ZDHHC11: variants seen among roughly 807,000 people sequenced by gnomAD.
ZDHHC11 encodes the protein zDHHC palmitoyltransferase 11.
In ZDHHC11, 44 loss-of-function variants were observed where a neutral mutation model predicts 51.3. The ratio of observed to expected loss-of-function variants is 0.86; its 90% CI spans 0.67 to 1.10. The LOEUF is 1.10. Ranked by LOEUF, ZDHHC11 falls within the 50% of genes least tolerant of loss-of-function variation. The pLI, the probability that ZDHHC11 is intolerant of heterozygous loss-of-function variation, is 0.00. For synonymous variants in ZDHHC11, 163 were observed against 222.0 expected (o/e 0.73, Z 2.36); for missense variants, 400 against 537.7 (o/e 0.74, Z 2.53).
Position 819,626 on chromosome 5 carries a change from C to T in ZDHHC11, c.1059-14G>A, listed in dbSNP as rs1438840166. 2 of 1,607,870 alleles carry T rather than the reference C, an allele frequency of 1.2e-6. No homozygotes were observed. The highest frequency in any genetic ancestry group is 2.7e-5 in the African/African-American group (2 of 74,698). Reference sequence around the variant, plus strand: ...CTGGCCTTGGCTCTGGTGGGGCAAACAGAAGGAAAGAAACACACCACAGTT... The same window carrying T: ...CTGGCCTTGGCTCTGGTGGGGCAAATAGAAGGAAAGAAACACACCACAGTT... On this transcript the variant is annotated splice_polypyrimidine_tract_variant and intron_variant, in intron 9 of 12. Coordinates refer to ENST00000283441, the MANE Select transcript of ZDHHC11 (RefSeq NM_024786.3).
At chr5:834,339 T>G (rs572102666) in intron 6 of ZDHHC11, among the ~76,000 whole-genome samples, 1 of 152,286 alleles carries the variant, frequency 6.6e-6, no homozygotes, top group Admixed American at 6.5e-5. Context: ...TTGCCCATTT[T>G]TTATATGTAT....
chr5:824,937 A>C (rs530068971), intron 8 of ZDHHC11, among the ~76,000 whole-genome samples: 2 of 151,414 alleles, frequency 1.3e-5, no homozygotes, highest in East Asian at 3.9e-4. Flanking sequence ...GGGGGCTCCC[A>C]CTTTGGTACC....
chr5:850,794 C>T lies in ZDHHC11; in HGVS notation c.-192G>A. The T allele has an allele frequency of 4.4e-6, 3 of 687,386 alleles. No homozygotes were observed. In the Admixed American group the frequency reaches 8.8e-5, roughly 20 times the overall value. 42.6% of individuals were successfully genotyped at this position (687,386 alleles called of 1,614,324 possible). On this transcript the variant is annotated 5_prime_UTR_variant, in exon 1 of 13. Coordinates refer to ENST00000283441, the MANE Select transcript of ZDHHC11 (RefSeq NM_024786.3). ...GCTGGGCTGGAGTCGGTGCAGGGCC[C>T]CGCCCAGGGGAATGAACAGACATGC...
chr5:843,189 C>A (rs1160098539), intron 4 of ZDHHC11, among the ~76,000 whole-genome samples: 1 of 152,292 alleles, frequency 6.6e-6, no homozygotes, highest in Non-Finnish European at 1.5e-5. Context: ...CAGCCCAGCA[C>A]CCTCAGCGCT....
intron 12 of ZDHHC11, among the ~76,000 whole-genome samples, chr5:798,792 T>G (rs1385216226): frequency 6.7e-5 from 2 of 29,896 alleles, no homozygotes; most frequent in Non-Finnish European, 1.4e-4. Context: ...TGGTGAATAT[T>G]TTTTTTTTTG....
At chr5:854,394 C>G (rs538860376), upstream of ZDHHC11, among the ~76,000 whole-genome samples, 1 of 148,184 alleles carries the variant, frequency 6.7e-6, no homozygotes, top group South Asian at 2.2e-4. Context: ...ACAGACCCCA[C>G]GGAGGACAGT....
chr5:837,582 C>A lies in ZDHHC11; in HGVS notation c.785-102G>T, dbSNP rs1405932176. On this transcript the variant is annotated intron_variant, in intron 5 of 12. Coordinates refer to ENST00000283441, the MANE Select transcript of ZDHHC11 (RefSeq NM_024786.3). ...GAGTGGCCAGTGCCACTGATCCGGC[C>A]CCTGCACAGGGAGAACTGCTCCGCC... 41 of 1,303,596 alleles carry A rather than the reference C, an allele frequency of 3.1e-5. 1 individual carries two copies. In the African/African-American group the frequency reaches 5.6e-4, roughly 18 times the overall value. The allele number at this position is 1,303,596 out of a possible 1,614,324, so 80.8% of individuals were successfully genotyped here.
At chr5:859,518 G>A (rs1389171575), upstream of ZDHHC11, among the ~76,000 whole-genome samples, 1 of 152,178 alleles carries the variant, frequency 6.6e-6, no homozygotes, top group Non-Finnish European at 1.5e-5. Context: ...CGACCCCAGA[G>A]TACTCAGCCT....
chr5:848,910 C>T (rs1418198738), intron 1 of ZDHHC11, among the ~76,000 whole-genome samples: 3 of 135,618 alleles, frequency 2.2e-5, no homozygotes, highest in Non-Finnish European at 3.3e-5. Flanking sequence ...CACACCCAGC[C>T]CTGCACAGCC....
chr5:829,610 A>G lies in ZDHHC11; in HGVS notation c.935+4163T>C, dbSNP rs374295045. Among the ~76,000 whole-genome samples, 14 of 145,686 alleles carry G rather than the reference A, an allele frequency of 9.6e-5. No homozygotes were observed. The South Asian group carries it at 2.9e-3, about 31-fold the overall frequency. ...TCTTATGGAAACTATTACAAAAGAT[A>G]AAGAGGGAATCGTCCATAAATCATT... On this transcript the variant is annotated intron_variant, in intron 7 of 12. Coordinates refer to ENST00000283441, the MANE Select transcript of ZDHHC11 (RefSeq NM_024786.3).
At chr5:820,546 G>A (rs181314613) in intron 9 of ZDHHC11, among the ~76,000 whole-genome samples, 6 of 151,440 alleles carry the variant, frequency 4.0e-5, no homozygotes, top group South Asian at 2.1e-4. Flanking sequence ...AGCCCCTGCC[G>A]GTGTCTGTGA....
At chr5:844,820 CCA>C in intron 3 of ZDHHC11, among the ~76,000 whole-genome samples, 1 of 152,306 alleles carries the variant, frequency 6.6e-6, no homozygotes, top group South Asian at 2.1e-4. Flanking sequence ...AAATCCACTC[CCA>C]GTCTCTCGTC....
chr5:807,866 G>A (rs1175950728), intron 11 of ZDHHC11, among the ~76,000 whole-genome samples: 1 of 151,074 alleles, frequency 6.6e-6, no homozygotes, highest in African/African-American at 2.5e-5. Context: ...CTGCTAAGAG[G>A]AGCTTTGCAT....
At chr5:805,477 A>T (rs1225620553) in intron 11 of ZDHHC11, among the ~76,000 whole-genome samples, 1 of 151,252 alleles carries the variant, frequency 6.6e-6, no homozygotes, top group African/African-American at 2.4e-5. Context: ...TATACATTTA[A>T]GACATTAATT....
intron 3 of ZDHHC11, among the ~76,000 whole-genome samples, chr5:844,221 C>T (rs1484577432): frequency 6.6e-6 from 1 of 152,282 alleles, no homozygotes; most frequent in Non-Finnish European, 1.5e-5. Context: ...GTCTCCAGGC[C>T]TCTCGCTGGA....
chr5:843,853 G>A (rs1167284626), intron 3 of ZDHHC11, 129 bp from the exon 4 acceptor site: 1 of 545,710 alleles, frequency 1.8e-6, no homozygotes, highest in African/African-American at 4.3e-4. Context: ...GGGGGGCACA[G>A]CGGCAGGGGC....
At chr5:840,911 C>CAT in intron 4 of ZDHHC11, 2 of 1,414,298 alleles carry the variant, frequency 1.4e-6, no homozygotes, top group Non-Finnish European at 1.8e-6. Flanking sequence ...GGTCACAGTG[C>CAT]CCACCCCTTC....
rs1405627537 is a variant in ZDHHC11, at chr5:821,969, T to G, written c.1024-74A>C. 4.5e-6 allele frequency: 6 copies of G among 1,340,862 alleles called. No homozygotes were observed. The African/African-American group carries it at 8.4e-5, about 19-fold the overall frequency. 83.1% of individuals were successfully genotyped at this position (1,340,862 alleles called of 1,614,324 possible). ...ATTCTTAAAAAAAATTCAAGTCCAT[T>G]TCTAGTCAGTTCTGACAGTCACTTC... is the stretch of plus-strand genomic sequence containing the variant. On this transcript the variant is annotated intron_variant, in intron 8 of 12. Coordinates refer to ENST00000283441, the MANE Select transcript of ZDHHC11 (RefSeq NM_024786.3).
At position 819,524 on chromosome 5, in the gene ZDHHC11, C is replaced by T; in HGVS notation, c.1146+1G>A. The T allele has an allele frequency of 1.2e-6, 2 of 1,609,196 alleles. No homozygotes were observed. The highest frequency in any genetic ancestry group is 8.5e-7 in the Non-Finnish European group (1 of 1,176,128). On this transcript the variant is annotated splice_donor_variant, in intron 10 of 12. Transcript: ENST00000283441. LOFTEE classifies it high-confidence loss of function. Reference sequence around the variant, plus strand: ...GGACAGCGCCAGTGATTGCAACTTACCTGTGCCATCGAGCCCCCGTCTGGG... The same window carrying T: ...GGACAGCGCCAGTGATTGCAACTTATCTGTGCCATCGAGCCCCCGTCTGGG...
Sources: allele counts gnomAD v4.1 joint callset (sites outside exome capture counted in the v4.1 genomes callset), GRCh38; gene constraint gnomAD v4.1.1; transcripts MANE v1.5; gene names NCBI Gene and HGNC (gene_info 2026-07-23, HGNC 2026-07-21).